Variants in ARMH1 observed in about 807,000 individuals in gnomAD.
The protein encoded by ARMH1 is armadillo-like helical domain containing protein 1.
ARMH1 carries 34 observed loss-of-function variants against 50.2 expected under a neutral mutation model. The ratio of observed to expected loss-of-function variants is 0.68; its 90% CI spans 0.51 to 0.90. The LOEUF (loss-of-function observed/expected upper bound fraction) is 0.90. Ranked by LOEUF, ARMH1 falls within the 40% of genes least tolerant of loss-of-function variation. ARMH1 has a pLI of 0.00. For missense variants in ARMH1, 538 were observed against 553.9 expected, an observed-to-expected ratio of 0.97 and a Z score of 0.29; for synonymous variants, 221 against 224.2, an observed-to-expected ratio of 0.99 and a Z score of 0.13.
chr1:44,679,931 G>A (rs1262841958), intron 1 of ARMH1, among the ~76,000 whole-genome samples: 1 of 152,242 alleles, frequency 6.6e-6, no homozygotes, highest in Non-Finnish European at 1.5e-5. Context: ...TCACACTCTA[G>A]TGGGAAGGAT....
rs190381026 is a variant in ARMH1 at position 44,725,171 on chromosome 1, C to A, written c.1164C>A (p.Ser388Arg). 1.1e-5 allele frequency: 17 copies of A among 1,551,922 alleles called. No homozygotes were observed. The highest frequency in any genetic ancestry group is 1.5e-5 in the Non-Finnish European group (17 of 1,147,052). ...AGGACTTGTACATGAAAATAGACAG[C>A]ATTCAGGCGGACATCTTGGCGGCCA... Reference protein sequence around the residue: ...NAEDLYMKIDSIQADILAANT... With the variant: ...NAEDLYMKIDRIQADILAANT... The change falls in exon 11 of 12, where the codon AGC (serine) becomes AGA (arginine). Residue 388 changes from serine to arginine, a missense_variant. Coordinates refer to ENST00000535358, the MANE Select transcript of ARMH1 (RefSeq NM_001145636.2).
At chr1:44,697,287 C>T in intron 3 of ARMH1, 117 bp downstream of exon 3, 1 of 791,810 alleles carries the variant, frequency 1.3e-6, no homozygotes, top group Non-Finnish European at 2.1e-6. Flanking sequence ...TTCCTTGTAG[C>T]TCTTGGGATG....
At position 44,683,988 on chromosome 1, in the gene ARMH1, A is replaced by G. The variant is rs576421522; in HGVS notation, c.-22-5688A>G. On this transcript the variant is annotated intron_variant, in intron 1 of 11. Coordinates refer to ENST00000535358, the MANE Select transcript of ARMH1 (RefSeq NM_001145636.2). The surrounding 1 kb of genome is among the most constrained non-coding windows in gnomAD (Gnocchi z 4.2). ...GGCAACACAGAGAGACCCCATCTCT[A>G]TAAACAAAAACAACCACAGAGAGAG... 2.6e-5 allele frequency among the ~76,000 whole-genome samples: 4 copies of G among 151,946 alleles called. No individual in the cohort carries two copies. The highest frequency in any genetic ancestry group is 2.0e-4 in the Admixed American group (3 of 15,256).
intron 1 of ARMH1, among the ~76,000 whole-genome samples, chr1:44,687,447 G>A (rs1645509742): frequency 6.6e-6 from 1 of 152,196 alleles, no homozygotes; most frequent in Non-Finnish European, 1.5e-5. Context: ...AGTAGTATAA[G>A]CTCGTTATTT....
At chr1:44,721,433 T>C (rs949018010) in intron 6 of ARMH1, among the ~76,000 whole-genome samples, 11 of 152,006 alleles carry the variant, frequency 7.2e-5, no homozygotes, top group Non-Finnish European at 1.5e-4. Context: ...TCACTATAAA[T>C]TGGAACTAGC....
At chr1:44,720,048 T>G (rs937459344) in intron 6 of ARMH1, among the ~76,000 whole-genome samples, 1 of 151,810 alleles carries the variant, frequency 6.6e-6, no homozygotes, top group African/African-American at 2.4e-5. Flanking sequence ...TACAAAAAAA[T>G]TAGGCAGGTG....
At chr1:44,721,248 T>G (rs1353628202) in intron 6 of ARMH1, among the ~76,000 whole-genome samples, 1 of 152,070 alleles carries the variant, frequency 6.6e-6, no homozygotes, top group Non-Finnish European at 1.5e-5. Context: ...CCTCAAGTGT[T>G]GAATGTGGAC....
intron 6 of ARMH1, among the ~76,000 whole-genome samples, chr1:44,704,934 A>C (rs1646272856): frequency 6.7e-6 from 1 of 149,570 alleles, no homozygotes; most frequent in African/African-American, 2.5e-5. Flanking sequence ...TCCCGGGTTC[A>C]CACCATTCTC....
At chr1:44,721,526 C>G (rs749641479) in intron 6 of ARMH1, among the ~76,000 whole-genome samples, 1 of 151,706 alleles carries the variant, frequency 6.6e-6, no homozygotes, top group South Asian at 2.1e-4. Context: ...AAAAAAAAAT[C>G]TTATAAACAT....
chr1:44,700,678 A>G (rs1163926266), intron 4 of ARMH1, among the ~76,000 whole-genome samples: 1 of 152,106 alleles, frequency 6.6e-6, no homozygotes, highest in East Asian at 1.9e-4. Context: ...TTATTTGTAA[A>G]TTGTGCAGAG....
Position 44,698,194 on chromosome 1 carries a change from G to A in ARMH1, c.407G>A (p.Gly136Asp). The A allele has an allele frequency of 6.4e-7, 1 of 1,552,260 alleles. No individual in the cohort carries two copies. The highest frequency in any genetic ancestry group is 8.7e-7 in the Non-Finnish European group (1 of 1,147,054). The change falls in exon 4 of 12, where the codon GGC (glycine) becomes GAC (aspartate). Residue 136 changes from glycine (G) to aspartate (D), a missense_variant. Transcript: ENST00000535358. ...CTACTTCAGGTTATTGCGAACTCTGGCAGGACATACAAGGAACTCATTTGT... is the reference window on the plus strand; with the variant it reads ...CTACTTCAGGTTATTGCGAACTCTGACAGGACATACAAGGAACTCATTTGT... ...VKLLQVIANS[G>D]RTYKELICES...
chr1:44,691,180 C>T (rs973483812), intron 2 of ARMH1, among the ~76,000 whole-genome samples: 1 of 152,006 alleles, frequency 6.6e-6, no homozygotes, highest in African/African-American at 2.4e-5. Flanking sequence ...ATCATTTGAA[C>T]CCGGGAGGCG....
intron 3 of ARMH1, 50 bp from the exon 4 acceptor site, chr1:44,698,013 A>C: frequency 6.8e-7 from 1 of 1,465,288 alleles, no homozygotes; most frequent in Non-Finnish European, 9.2e-7. Context: ...AGCTCAGTGC[A>C]AAGGAACTTG....
At chr1:44,723,332 A>G (rs556244714) in intron 6 of ARMH1, among the ~76,000 whole-genome samples, 51 of 152,288 alleles carry the variant, frequency 3.3e-4, no homozygotes, top group Non-Finnish European at 5.6e-4. Flanking sequence ...TCAACACCCA[A>G]TGCCGCGCCT....
chr1:44,716,061 T>C (rs190926106), intron 6 of ARMH1, among the ~76,000 whole-genome samples: 4 of 152,148 alleles, frequency 2.6e-5, no homozygotes, highest in African/African-American at 9.6e-5. Flanking sequence ...AAACCCATAC[T>C]CTCCTGGCTT....
chr1:44,716,761 A>G (rs753308590), intron 6 of ARMH1, among the ~76,000 whole-genome samples: 1 of 151,900 alleles, frequency 6.6e-6, no homozygotes, highest in Non-Finnish European at 1.5e-5. Flanking sequence ...GCGCCCACAC[A>G]CAGTTCATTT....
Position 44,720,197 on chromosome 1 carries a change from CA to C in ARMH1, c.725-3902del, listed in dbSNP as rs35873369. On this transcript the variant is annotated intron_variant, in intron 6 of 11. Transcript: ENST00000535358. ...GGGCAACAAGAGCAAAACTCTGTCT[CA>C]AAAAAAAAAAAAAAAAAAAAAAGTT... Among the ~76,000 whole-genome samples, 433 of 69,190 alleles carry C rather than the reference CA, an allele frequency of 6.3e-3. 1 individual carries two copies. The highest frequency in any genetic ancestry group is 0.015 in the African/African-American group (306 of 19,912). The allele number at this position is 69,190 out of a possible 152,430, so 45.4% of individuals were successfully genotyped here. A position where few individuals can be genotyped will look rare whatever the true frequency, so the allele number is the denominator to read the frequency against.
At chr1:44,675,802 A>G (rs1435586122) in intron 1 of ARMH1, among the ~76,000 whole-genome samples, 2 of 152,212 alleles carry the variant, frequency 1.3e-5, no homozygotes, top group South Asian at 2.1e-4. Context: ...TCTACTAAAA[A>G]TACAAAAATT....
At position 44,679,164 on chromosome 1, in the gene ARMH1, C is replaced by T. The variant is rs112713280; in HGVS notation, c.-23+4291C>T. On this transcript the variant is annotated intron_variant, in intron 1 of 11. Coordinates refer to ENST00000535358, the MANE Select transcript of ARMH1 (RefSeq NM_001145636.2). ...TTCTTAATCTGGATTTTTAATTTCG[C>T]GTGCTTGATTTTTTGCACCGTTTTC... 1.1e-3 allele frequency among the ~76,000 whole-genome samples: 170 copies of T among 152,254 alleles called. 1 individual carries two copies. The highest frequency in any genetic ancestry group is 3.0e-3 in the African/African-American group (125 of 41,552).
Sources: gnomAD v4.1 joint callset for allele counts (sites outside exome capture counted in the v4.1 genomes callset) on GRCh38, gnomAD v4.1.1 for gene constraint, Gnocchi (gnomAD v3.1) non-coding constraint, MANE v1.5 for transcripts, NCBI Gene and HGNC (gene_info 2026-07-23, HGNC 2026-07-21) for gene names.